Variants in AIMP1 observed in about 807,000 individuals in gnomAD.
The protein encoded by AIMP1 is aminoacyl tRNA synthetase complex interacting multifunctional protein 1.
A neutral mutation model predicts 33.1 loss-of-function variants in AIMP1; 24 were observed. The observed-to-expected ratio is 0.73, with a 90% CI of 0.53 to 1.02. AIMP1 has a LOEUF of 1.02. AIMP1 is among the 50% of genes least tolerant of loss of function. AIMP1 has a pLI of 0.00. For synonymous variants in AIMP1, 120 were observed against 121.5 expected (o/e 0.99, Z 0.08); for missense variants, 367 against 364.8 (o/e 1.01, Z -0.05).
At chr4:106,332,333 G>A (rs1183127761) in intron 5 of AIMP1, among the ~76,000 whole-genome samples, 1 of 151,594 alleles carries the variant, frequency 6.6e-6, no homozygotes, top group African/African-American at 2.4e-5. Flanking sequence ...TATTTTTTGG[G>A]TTTTAGAGAA....
At chr4:106,332,525 T>C (rs1048914248) in intron 5 of AIMP1, among the ~76,000 whole-genome samples, 4 of 151,256 alleles carry the variant, frequency 2.6e-5, no homozygotes, top group Non-Finnish European at 4.4e-5. Context: ...TTTCTTACTA[T>C]ATACAACTGT....
upstream of AIMP1, chr4:106,316,285 G>C (rs1049719485): frequency 2.0e-5 from 8 of 402,372 alleles, no homozygotes; most frequent in Admixed American, 3.2e-4. Context: ...ACCCCGACTT[G>C]TGGTGTCCTT....
At chr4:106,329,792 TTTTTTTTTTTG>T (rs1769604113) in intron 4 of AIMP1, among the ~76,000 whole-genome samples, 2 of 135,498 alleles carry the variant, frequency 1.5e-5, no homozygotes, top group East Asian at 2.3e-4. Flanking sequence ...TTTTTTTTTT[TTTTTTTTTTTG>T]GAGACGGAGT....
At chr4:106,332,451 A>T (rs928644386) in intron 5 of AIMP1, among the ~76,000 whole-genome samples, 6 of 151,872 alleles carry the variant, frequency 4.0e-5, no homozygotes, top group Admixed American at 1.3e-4. Context: ...GATAAAAATA[A>T]TGATTATGAT....
chr4:106,331,982 G>A (rs1561027575), intron 5 of AIMP1, 99 bp downstream of exon 5: 2 of 1,158,774 alleles, frequency 1.7e-6, no homozygotes, highest in East Asian at 2.4e-5. Context: ...CATACAACAT[G>A]TGCCCTTGTT....
chr4:106,322,362 G>GC (rs1043841608), intron 1 of AIMP1, among the ~76,000 whole-genome samples: 1 of 151,734 alleles, frequency 6.6e-6, no homozygotes, highest in African/African-American at 2.4e-5. Flanking sequence ...GTATATATAA[G>GC]CAAGCCCAAG....
chr4:106,331,373 C>T (rs567649134), intron 4 of AIMP1, among the ~76,000 whole-genome samples: 20 of 152,258 alleles, frequency 1.3e-4, no homozygotes, highest in Admixed American at 2.0e-4. Flanking sequence ...TGGTTGTCTT[C>T]CAGTAAAACT....
intron 3 of AIMP1, 51 bp from the exon 4 acceptor site, chr4:106,328,024 TG>T: frequency 1.3e-6 from 2 of 1,598,430 alleles, no homozygotes; most frequent in Non-Finnish European, 1.7e-6. Flanking sequence ...TCATATTTTT[TG>T]TCATATTTAT....
Position 106,331,681 on chromosome 4 carries a change from A to C in AIMP1, c.401A>C (p.Lys134Thr), listed in dbSNP as rs144311249. 8 of 1,614,030 alleles carry C rather than the reference A, an allele frequency of 5.0e-6. No homozygotes were observed. Among genetic ancestry groups the C allele is most frequent in the Non-Finnish European group, 6.8e-6 (8 of 1,179,912 alleles). The change falls in exon 5 of 7, where the codon AAG becomes ACG. Residue 134 changes from lysine to threonine, a missense_variant. Transcript: ENST00000672341. Reference protein sequence around the residue: ...KEKIEKKGEKKEKKQQSIAGS... With the variant: ...KEKIEKKGEKTEKKQQSIAGS... ...CATAAATACTTTTTAGGAGAGAAGAAGGAGAAAAAACAGCAATCAATAGCT... is the reference window on the plus strand; with the variant it reads ...CATAAATACTTTTTAGGAGAGAAGACGGAGAAAAAACAGCAATCAATAGCT...
At chr4:106,344,272 C>T (rs1009671864) in intron 6 of AIMP1, among the ~76,000 whole-genome samples, 2 of 152,080 alleles carry the variant, frequency 1.3e-5, no homozygotes, top group Non-Finnish European at 2.9e-5. Context: ...CTTAGATAAG[C>T]TAGATAGCTG....
intron 1 of AIMP1, among the ~76,000 whole-genome samples, chr4:106,319,207 A>G (rs1769101898): frequency 1.3e-5 from 2 of 152,160 alleles, no homozygotes; most frequent in Non-Finnish European, 2.9e-5. Context: ...TAACTTACTT[A>G]TGTTTGATTC....
chr4:106,323,062 T>G (rs1350170953), intron 1 of AIMP1, among the ~76,000 whole-genome samples: 1 of 152,130 alleles, frequency 6.6e-6, no homozygotes, highest in Non-Finnish European at 1.5e-5. Flanking sequence ...GTATTTAGTG[T>G]TTAGTTCATT....
Position 106,327,440 on chromosome 4 carries a change from C to G in AIMP1, c.110-11C>G, listed in dbSNP as rs372598009. 6.3e-6 allele frequency: 10 copies of G among 1,588,668 alleles called. No homozygotes were observed. Among genetic ancestry groups the G allele is most frequent in the Non-Finnish European group, 8.6e-6 (10 of 1,157,866 alleles). ...TAAAAACATATTTTAACTGGATGTTCTTGATCCTAGTTTTGCAGGCAACTT... is the reference window on the plus strand; with the variant it reads ...TAAAAACATATTTTAACTGGATGTTGTTGATCCTAGTTTTGCAGGCAACTT... On this transcript the variant is annotated splice_polypyrimidine_tract_variant and intron_variant, in intron 2 of 6. Coordinates refer to ENST00000672341, the MANE Select transcript of AIMP1 (RefSeq NM_001142416.2).
chr4:106,340,033 T>G (rs557846987), intron 6 of AIMP1, among the ~76,000 whole-genome samples: 2 of 152,134 alleles, frequency 1.3e-5, no homozygotes, highest in African/African-American at 2.4e-5. Flanking sequence ...TTGGCAGATA[T>G]AGAATAAGTA....
chr4:106,348,040 A>G lies in AIMP1; in HGVS notation c.*348A>G, dbSNP rs1444193643. The G allele has an allele frequency of 5.4e-6, 1 of 185,766 alleles. No homozygotes were observed. Among genetic ancestry groups the G allele is most frequent in the South Asian group, 9.9e-5 (1 of 10,098 alleles). 11.5% of individuals were successfully genotyped at this position (185,766 alleles called of 1,614,324 possible). ...TAGGCACAGGATGCATGAAATTTCA[A>G]GCTCTGGGATTTTTTGTATATTGTG... On this transcript the variant is annotated 3_prime_UTR_variant, in exon 7 of 7. Coordinates refer to ENST00000672341, the MANE Select transcript of AIMP1 (RefSeq NM_001142416.2).
At chr4:106,317,634 A>G (rs1326904660) in intron 1 of AIMP1, among the ~76,000 whole-genome samples, 5 of 152,216 alleles carry the variant, frequency 3.3e-5, no homozygotes, top group Admixed American at 2.0e-4. Context: ...AGAGTATTAT[A>G]GATGACAGGG....
intron 1 of AIMP1, among the ~76,000 whole-genome samples, chr4:106,322,591 C>T (rs1232979912): frequency 1.3e-5 from 2 of 152,166 alleles, no homozygotes; most frequent in Non-Finnish European, 2.9e-5. Flanking sequence ...ACAGACGTAA[C>T]TAGAAGTGAA....
chr4:106,347,138 C>G (rs539382626), intron 6 of AIMP1, among the ~76,000 whole-genome samples: 35 of 152,216 alleles, frequency 2.3e-4, no homozygotes, highest in African/African-American at 7.9e-4. Context: ...ATCCAATCAC[C>G]TCCACCAGGC....
chr4:106,321,520 G>A (rs899594059), intron 1 of AIMP1: 34 of 156,536 alleles, frequency 2.2e-4, no homozygotes, highest in Non-Finnish European at 4.5e-4. Flanking sequence ...CAGCCGCCCC[G>A]TCTGGGAAGT....
Sources: allele counts gnomAD v4.1 joint callset (sites outside exome capture counted in the v4.1 genomes callset), GRCh38; gene constraint gnomAD v4.1.1; transcripts MANE v1.5; gene names NCBI Gene and HGNC (gene_info 2026-07-23, HGNC 2026-07-21).